The following INPP5D variants were observed in gnomAD, a reference collection of about 807,000 sequenced individuals.
INPP5D encodes the protein inositol polyphosphate-5-phosphatase D.
Under a neutral mutation model 122.9 loss-of-function variants are expected in INPP5D, and 33 were observed. That is an observed-to-expected ratio of 0.27 (90% CI 0.20 to 0.36). The LOEUF is 0.36. INPP5D is among the 10% of genes least tolerant of loss of function. The pLI, the probability that INPP5D is intolerant of heterozygous loss-of-function variation, is 1.00. For missense variants in INPP5D, 1,053 were observed against 1,412.7 expected (o/e 0.75, Z 4.08); for synonymous variants, 584 against 576.2 (o/e 1.01, Z -0.19).
rs570189003 is a variant in INPP5D at position 233,100,214 on chromosome 2, C to T, written c.198+20816C>T. 6.6e-6 allele frequency among the ~76,000 whole-genome samples: 1 copy of T among 152,304 alleles called. No individual in the cohort carries two copies. Among genetic ancestry groups the T allele is most frequent in the South Asian group, 2.1e-4 (1 of 4,824 alleles). On this transcript the variant is annotated intron_variant, in intron 2 of 26. Coordinates refer to ENST00000445964, the MANE Select transcript of INPP5D (RefSeq NM_001017915.3). This position sits in a 1 kb window ranked among gnomAD's most constrained non-coding sequence, Gnocchi z 5.3. ...CCCCACCTCGCCCTGTCGCCTCACT[C>T]GCAGCCTGTTCCACTCATTTACATC...
chr2:233,109,957 T>A (rs1692572840), intron 2 of INPP5D, among the ~76,000 whole-genome samples: 1 of 152,002 alleles, frequency 6.6e-6, no homozygotes, highest in Non-Finnish European at 1.5e-5. Flanking sequence ...CAATCTTGGT[T>A]CACTGCAGTC....
At chr2:233,137,893 T>TACAC (rs1559313486) in intron 5 of INPP5D, among the ~76,000 whole-genome samples, 2 of 58,540 alleles carry the variant, frequency 3.4e-5, no homozygotes, top group African/African-American at 1.2e-4. Context: ...TATATATATA[T>TACAC]ATATACACAC....
chr2:233,143,851 C>T (rs1328060237), intron 6 of INPP5D, among the ~76,000 whole-genome samples: 1 of 146,546 alleles, frequency 6.8e-6, no homozygotes, highest in South Asian at 2.2e-4. Context: ...TAGAGGTGGT[C>T]ATGATCATAT....
rs796483582 is a variant in INPP5D at position 233,063,786 on chromosome 2, C to T, written c.134+3174C>T. Among the ~76,000 whole-genome samples the T allele has an allele frequency of 4.6e-5, 7 of 152,360 alleles. No homozygotes were observed. In the East Asian group the frequency reaches 1.4e-3, roughly 29 times the overall value. On this transcript the variant is annotated intron_variant, in intron 1 of 26. Transcript: ENST00000445964. The stretch of plus-strand genomic sequence containing the variant: ...GTTTGGGTCCAACTCTGCCGTCTTT[C>T]AGCCAGGGGCTCTTCTAAGTAGAGC...
intron 2 of INPP5D, among the ~76,000 whole-genome samples, chr2:233,120,114 C>G (rs1255518307): frequency 6.6e-6 from 1 of 152,212 alleles, no homozygotes; most frequent in Non-Finnish European, 1.5e-5. Context: ...AAGAAGGTAG[C>G]TGGCAGCCCC....
At chr2:233,172,612 C>T (rs73105592) in intron 17 of INPP5D, among the ~76,000 whole-genome samples, 141,817 of 152,282 alleles carry the variant, frequency 0.93, 66,094 homozygotes, top group East Asian at 1. Flanking sequence ...TTCAGACTTA[C>T]TGATTGTGTG....
intron 2 of INPP5D, among the ~76,000 whole-genome samples, chr2:233,081,337 G>A (rs1691683911): frequency 6.6e-6 from 1 of 152,214 alleles, no homozygotes; most frequent in Admixed American, 6.5e-5. Context: ...ATCTGTGATA[G>A]GTGGTTTGCT....
At chr2:233,172,086 G>T (rs2106303975) in intron 17 of INPP5D, among the ~76,000 whole-genome samples, 1 of 152,366 alleles carries the variant, frequency 6.6e-6, no homozygotes, top group African/African-American at 2.4e-5. Context: ...GGAGATCCCG[G>T]ACTGCTGTCA....
intron 2 of INPP5D, among the ~76,000 whole-genome samples, chr2:233,117,709 T>A (rs1020128097): frequency 3.3e-5 from 5 of 152,176 alleles, no homozygotes; most frequent in Non-Finnish European, 7.4e-5. Context: ...GACATCTGCC[T>A]CCTGCCGGGA....
chr2:233,195,317 A>C (rs899091299), intron 23 of INPP5D, 82 bp from the exon 24 acceptor site: 49 of 1,605,230 alleles, frequency 3.1e-5, no homozygotes, highest in Non-Finnish European at 6.8e-6. Flanking sequence ...TTCAGCCTGC[A>C]AATGGAAACC....
chr2:233,207,706 T>A lies in INPP5D; in HGVS notation c.*998T>A, dbSNP rs1304823228. The A allele has an allele frequency of 6.6e-6, 1 of 152,336 alleles. No homozygotes were observed. The highest frequency in any genetic ancestry group is 1.5e-5 in the Non-Finnish European group (1 of 68,048). The allele number at this position is 152,336 out of a possible 1,614,324, so 9.4% of individuals were successfully genotyped here. A position where few individuals can be genotyped will look rare whatever the true frequency, so the allele number is the denominator to read the frequency against. ...GAAATAGTGCAGCCTTTTCTTCCTA[T>A]CTCTGTGGCTTTCAGCTCTGCTTCC... On this transcript the variant is annotated 3_prime_UTR_variant, in exon 27 of 27. Transcript: ENST00000445964. The surrounding 1 kb of genome is among the most constrained non-coding windows in gnomAD (Gnocchi z 4.6).
At chr2:233,202,766 T>G (rs1574808757) in intron 25 of INPP5D, among the ~76,000 whole-genome samples, 1 of 152,340 alleles carries the variant, frequency 6.6e-6, no homozygotes, top group African/African-American at 2.4e-5. Flanking sequence ...CTCGTTCTCA[T>G]AGTTTGCTCA....
chr2:233,084,696 A>T (rs919470549), intron 2 of INPP5D, among the ~76,000 whole-genome samples: 2 of 152,254 alleles, frequency 1.3e-5, no homozygotes, highest in East Asian at 1.9e-4. Flanking sequence ...TGAAGTAAAG[A>T]TTCCGTCTGA....
At chr2:233,169,580 A>G in intron 14 of INPP5D, 179 bp downstream of exon 14, 3 of 941,262 alleles carry the variant, frequency 3.2e-6, no homozygotes, top group Non-Finnish European at 4.6e-6. Flanking sequence ...TAGTGACCTC[A>G]CGTGTGGAGG....
In INPP5D at chr2:233,164,678, G is replaced by A. The variant is rs1229985254; in HGVS notation, c.1555+254G>A. On this transcript the variant is annotated intron_variant, in intron 13 of 26. Coordinates refer to ENST00000445964, the MANE Select transcript of INPP5D (RefSeq NM_001017915.3). This position sits in a 1 kb window ranked among gnomAD's most constrained non-coding sequence, Gnocchi z 4.3. ...CAGTAGATCTTGGGTGGAGCTCAGGGTTCCAAGTTTCTGACAGGTTCCCAG... is the reference window on the plus strand; with the variant it reads ...CAGTAGATCTTGGGTGGAGCTCAGGATTCCAAGTTTCTGACAGGTTCCCAG... Among the ~76,000 whole-genome samples, 1 of 152,164 alleles carries A rather than the reference G, an allele frequency of 6.6e-6. No individual in the cohort carries two copies. The highest frequency in any genetic ancestry group is 2.4e-5 in the African/African-American group (1 of 41,440).
intron 22 of INPP5D, among the ~76,000 whole-genome samples, chr2:233,192,961 C>T (rs146873004): frequency 3.3e-5 from 5 of 152,302 alleles, no homozygotes; most frequent in African/African-American, 4.8e-5. Flanking sequence ...GATCTTGGCT[C>T]GCTGCAACCT....
At chr2:233,067,794 G>A (rs114119500) in intron 1 of INPP5D, among the ~76,000 whole-genome samples, 1,789 of 152,254 alleles carry the variant, frequency 0.012, 41 homozygotes, top group African/African-American at 0.041. Context: ...GATGCCAAAC[G>A]TCTTTTCTCA....
intron 9 of INPP5D, among the ~76,000 whole-genome samples, chr2:233,155,662 T>A (rs1694032998): frequency 1.3e-5 from 1 of 77,844 alleles, no homozygotes; most frequent in African/African-American, 4.9e-5. Flanking sequence ...AAATAAATAA[T>A]AAATAAATAA....
At chr2:233,127,341 A>G (rs1693191878) in intron 4 of INPP5D, among the ~76,000 whole-genome samples, 1 of 152,246 alleles carries the variant, frequency 6.6e-6, no homozygotes, top group African/African-American at 2.4e-5. Flanking sequence ...GAAAGCGGCG[A>G]CACAGAGCCG....
Sources: allele counts gnomAD v4.1 joint callset (sites outside exome capture counted in the v4.1 genomes callset), GRCh38; gene constraint gnomAD v4.1.1; non-coding constraint Gnocchi (gnomAD v3.1); transcripts MANE v1.5; gene names NCBI Gene and HGNC (gene_info 2026-07-23, HGNC 2026-07-21).